The following TAPBP variants were observed in gnomAD, a reference collection of about 807,000 sequenced individuals.
TAPBP encodes the protein tapasin.
In TAPBP, 38 loss-of-function variants were observed where a neutral mutation model predicts 45.7. The ratio of observed to expected loss-of-function variants is 0.83; its 90% CI spans 0.64 to 1.09. The LOEUF (loss-of-function observed/expected upper bound fraction) is 1.09. Among genes scored for constraint, TAPBP ranks in the 50% least tolerant of loss-of-function variants. The pLI is 0.00. For missense variants in TAPBP, 513 were observed against 587.3 expected (o/e 0.87, Z 1.31); for synonymous variants, 226 against 254.8 (o/e 0.89, Z 1.08).
In TAPBP at chr6:33,304,881, CTACT is replaced by C. The variant is rs906015077; in HGVS notation, c.868+104_868+107del. 5.3e-6 allele frequency: 8 copies of C among 1,504,834 alleles called. No individual in the cohort carries two copies. In the African/African-American group the frequency reaches 1.1e-4, roughly 21 times the overall value. The allele number at this position is 1,504,834 out of a possible 1,614,324, so 93.2% of individuals were successfully genotyped here. A position where few individuals can be genotyped will look rare whatever the true frequency, so the allele number is the denominator to read the frequency against. On this transcript the variant is annotated intron_variant, in intron 4 of 7. Coordinates refer to ENST00000434618, the MANE Select transcript of TAPBP (RefSeq NM_003190.5). Reference sequence around the variant, plus strand: ...AACTCCCAGGAACCTCTTTCTATCTCTACTTACTTGCCCAGGCACCCTCTTATCC... The same window carrying C: ...AACTCCCAGGAACCTCTTTCTATCTCTACTTGCCCAGGCACCCTCTTATCC...
In TAPBP at chr6:33,313,565, G is replaced by A; in HGVS notation, c.209-88C>T. 2 of 1,518,534 alleles carry A rather than the reference G, an allele frequency of 1.3e-6. No homozygotes were observed. 94.1% of individuals were successfully genotyped at this position (1,518,534 alleles called of 1,614,324 possible). A position where few individuals can be genotyped will look rare whatever the true frequency, so the allele number is the denominator to read the frequency against. ...GCGTTCGGGGAACTTCAAATGCACA[G>A]ACTACCCCGTAGTGAGACTCACTTT... On this transcript the variant is annotated intron_variant, in intron 2 of 7. Transcript: ENST00000434618. This position sits in a 1 kb window ranked among gnomAD's most constrained non-coding sequence, Gnocchi z 7.2.
chr6:33,310,589 G>A lies in TAPBP; in HGVS notation c.469+2628C>T, dbSNP rs1283564626. On this transcript the variant is annotated intron_variant, in intron 3 of 7. Coordinates refer to ENST00000434618, the MANE Select transcript of TAPBP (RefSeq NM_003190.5). ...CCCAGCAGTTTCGGAGGCCAAGGTG[G>A]GCAGATCAATTGAGCCCAGGAGTCC... Among the ~76,000 whole-genome samples the A allele has an allele frequency of 2.0e-5, 3 of 151,496 alleles. 1 individual carries two copies. In the Middle Eastern group the frequency reaches 9.5e-3, roughly 479 times the overall value.
Position 33,301,584 on chromosome 6 carries a change from A to G in TAPBP, c.*176T>C, listed in dbSNP as rs1401337718. ...GTGAGACTCCGTCTCAAAAAAAAAA[A>G]AAAAAGAAAAATTATCCCTTATATA... On this transcript the variant is annotated 3_prime_UTR_variant, in exon 8 of 8. Transcript: ENST00000434618. 4 of 632,704 alleles carry G rather than the reference A, an allele frequency of 6.3e-6. No homozygotes were observed. The highest frequency in any genetic ancestry group is 1.1e-5 in the Non-Finnish European group (4 of 361,320). 39.2% of individuals were successfully genotyped at this position (632,704 alleles called of 1,614,324 possible).
intron 6 of TAPBP, 23 bp downstream of exon 6, chr6:33,304,102 ATGG>A: frequency 1.2e-6 from 2 of 1,612,086 alleles, no homozygotes; most frequent in Non-Finnish European, 1.7e-6. Context: ...ACCTCAGGTC[ATGG>A]TCAGGGTAGG....
intron 7 of TAPBP, among the ~76,000 whole-genome samples, chr6:33,303,334 G>A (rs1185511012): frequency 5.3e-5 from 8 of 151,978 alleles, no homozygotes; most frequent in East Asian, 3.9e-4. Context: ...CAGGAGAATC[G>A]CTTGAACCTG....
Position 33,304,631 on chromosome 6 carries a change from G to T in TAPBP, c.876C>A (p.Pro292=). The change falls in exon 5 of 8, where the codon CCC becomes CCA. Residue 292 remains proline (P), a synonymous_variant. Coordinates refer to ENST00000434618, the MANE Select transcript of TAPBP (RefSeq NM_003190.5). The stretch of plus-strand genomic sequence containing the variant: ...GGGTTGCTGGCATCAGGGACACTTT[G>T]GGGGGTTCTGGGGAAAGAGGACGAA... ...VTLELAVYKP[P]KVSLMPATLA... 1.3e-6 allele frequency: 2 copies of T among 1,565,730 alleles called. No homozygotes were observed. The highest frequency in any genetic ancestry group is 1.7e-6 in the Non-Finnish European group (2 of 1,160,654).
rs778870301 is a variant in TAPBP at position 33,304,574 on chromosome 6, C to T, written c.933G>A (p.Pro311=). 85 of 1,604,566 alleles carry T rather than the reference C, an allele frequency of 5.3e-5. No individual in the cohort carries two copies. Among genetic ancestry groups the T allele is most frequent in the South Asian group, 1.2e-4 (11 of 90,984 alleles). The change falls in exon 5 of 8, where the codon CCG becomes CCA. Residue 311 remains proline, a synonymous_variant. Transcript: ENST00000434618. ...AGTGGGACACAAGGCAGAGCAATTC[C>T]GGGGGTGCCTCCCCTGGGGCGGCCC... ...LARAAPGEAP[P]ELLCLVSHFY...
chr6:33,310,458 A>G (rs1273689303), intron 3 of TAPBP, among the ~76,000 whole-genome samples: 2 of 147,232 alleles, frequency 1.4e-5, no homozygotes, highest in Non-Finnish European at 3.0e-5. Context: ...ATGAGCAGAG[A>G]TCACACCATT....
Position 33,301,582 on chromosome 6 carries a change from A to G in TAPBP, c.*178T>C, listed in dbSNP as rs895362894. On this transcript the variant is annotated 3_prime_UTR_variant, in exon 8 of 8. Transcript: ENST00000434618. ...GAGTGAGACTCCGTCTCAAAAAAAA[A>G]AAAAAAAGAAAAATTATCCCTTATA... 3 of 624,344 alleles carry G rather than the reference A, an allele frequency of 4.8e-6. No individual in the cohort carries two copies. Among genetic ancestry groups the G allele is most frequent in the East Asian group, 2.9e-5 (1 of 34,838 alleles). The allele number at this position is 624,344 out of a possible 1,614,324, so 38.7% of individuals were successfully genotyped here.
chr6:33,312,654 C>A (rs1411727968), intron 3 of TAPBP, among the ~76,000 whole-genome samples: 1 of 152,230 alleles, frequency 6.6e-6, no homozygotes, highest in Non-Finnish European at 1.5e-5. Flanking sequence ...TTGCGGACCA[C>A]AGAGCGGCAG....
chr6:33,309,567 TAAAC>T (rs1228794657), intron 3 of TAPBP, among the ~76,000 whole-genome samples: 1 of 138,528 alleles, frequency 7.2e-6, no homozygotes, highest in Non-Finnish European at 1.5e-5. Context: ...AAAAAAATAA[TAAAC>T]AAGACCTAAA....
chr6:33,310,802 C>T (rs915885709), intron 3 of TAPBP, among the ~76,000 whole-genome samples: 5 of 152,038 alleles, frequency 3.3e-5, no homozygotes, highest in Non-Finnish European at 5.9e-5. Context: ...CTGCACTGCA[C>T]TCCAGCCTGG....
At chr6:33,312,616 G>C (rs1489788410) in intron 3 of TAPBP, among the ~76,000 whole-genome samples, 2 of 152,176 alleles carry the variant, frequency 1.3e-5, no homozygotes, top group African/African-American at 4.8e-5. Context: ...CTCCAGCCGC[G>C]TCCATCCGCC....
chr6:33,306,306 G>A (rs905182387), intron 3 of TAPBP, among the ~76,000 whole-genome samples: 22 of 152,060 alleles, frequency 1.4e-4, no homozygotes, highest in South Asian at 4.1e-4. Context: ...CACCAAGCCC[G>A]CCAGACACTA....
In TAPBP at chr6:33,301,756, G is replaced by A; in HGVS notation, c.*4C>T. On this transcript the variant is annotated 3_prime_UTR_variant, in exon 8 of 8. Transcript: ENST00000434618. ...TGGCTTCCACAGGATGGCAGTGAGT[G>A]CCCTCACTCTGCTTTCTGGAAGAGA... The A allele has an allele frequency of 6.2e-7, 1 of 1,613,872 alleles. No individual in the cohort carries two copies. The highest frequency in any genetic ancestry group is 1.1e-5 in the South Asian group (1 of 91,078).
At position 33,313,518 on chromosome 6, in the gene TAPBP, C is replaced by A; in HGVS notation, c.209-41G>T. 6.6e-7 allele frequency: 1 copy of A among 1,516,800 alleles called. No individual in the cohort carries two copies. The highest frequency in any genetic ancestry group is 2.4e-5 in the East Asian group (1 of 42,536). 94.0% of individuals were successfully genotyped at this position (1,516,800 alleles called of 1,614,324 possible). On this transcript the variant is annotated intron_variant, in intron 2 of 7. Transcript: ENST00000434618. The surrounding 1 kb of genome is among the most constrained non-coding windows in gnomAD (Gnocchi z 7.2). Reference sequence around the variant, plus strand: ...GAAGTTGCAGCTGTAGAGTCACCGCCGGGAAAGGGGCTGGAAGGGCAGCGT... The same window carrying A: ...GAAGTTGCAGCTGTAGAGTCACCGCAGGGAAAGGGGCTGGAAGGGCAGCGT...
At chr6:33,301,994 C>G (rs111601856) in intron 7 of TAPBP, among the ~76,000 whole-genome samples, 1 of 152,182 alleles carries the variant, frequency 6.6e-6, no homozygotes, top group Non-Finnish European at 1.5e-5. Context: ...TCAGGCTCCG[C>G]TGTCCAATAT....
chr6:33,303,603 T>G (rs920276463), intron 7 of TAPBP: 40 of 865,128 alleles, frequency 4.6e-5, no homozygotes, highest in Non-Finnish European at 6.6e-5. Context: ...GGGACCAGAA[T>G]TATTAGATTA....
chr6:33,308,383 C>T (rs1424778947), intron 3 of TAPBP, among the ~76,000 whole-genome samples: 1 of 152,036 alleles, frequency 6.6e-6, no homozygotes, highest in East Asian at 1.9e-4. Context: ...TTTAGAATAA[C>T]ACGCCCTCCA....
Sources: gnomAD v4.1 joint callset for allele counts (sites outside exome capture counted in the v4.1 genomes callset) on GRCh38, gnomAD v4.1.1 for gene constraint, Gnocchi (gnomAD v3.1) non-coding constraint, MANE v1.5 for transcripts, NCBI Gene and HGNC (gene_info 2026-07-23, HGNC 2026-07-21) for gene names.